The following NRXN3 variants were observed in gnomAD, a reference collection of about 807,000 sequenced individuals.
NRXN3 encodes the protein neurexin III.
A neutral mutation model predicts 137.6 loss-of-function variants in NRXN3; 32 were observed. The observed-to-expected ratio is 0.23, with a 90% CI of 0.18 to 0.31. The LOEUF (loss-of-function observed/expected upper bound fraction) is 0.31. Ranked by LOEUF, NRXN3 falls within the 10% of genes least tolerant of loss-of-function variation. The pLI, the probability that NRXN3 is intolerant of heterozygous loss-of-function variation, is 1.00. For synonymous variants in NRXN3, 798 were observed against 784.5 expected (o/e 1.02, Z -0.29); for missense variants, 1,574 against 2,062.5 (o/e 0.76, Z 4.59).
intron 15 of NRXN3, among the ~76,000 whole-genome samples, chr14:79,319,703 C>T (rs142734001): frequency 6.6e-6 from 1 of 152,258 alleles, no homozygotes; most frequent in Non-Finnish European, 1.5e-5. Context: ...TTATTATCCA[C>T]GTTATAATTT....
chr14:79,854,184 T>G, intron 20 of NRXN3: 1 of 980,266 alleles, frequency 1.0e-6, no homozygotes, highest in Non-Finnish European at 1.2e-6. Context: ...AAATTTTTCT[T>G]TCATGCCAAA....
intron 4 of NRXN3, among the ~76,000 whole-genome samples, chr14:78,382,445 A>T (rs1004355404): frequency 5.3e-5 from 8 of 152,146 alleles, no homozygotes; most frequent in African/African-American, 1.9e-4. Context: ...GTTTCCAAGA[A>T]CTTCAGGGAA....
chr14:78,948,081 G>A (rs1390517251), intron 10 of NRXN3, among the ~76,000 whole-genome samples: 1 of 152,186 alleles, frequency 6.6e-6, no homozygotes, highest in Non-Finnish European at 1.5e-5. Context: ...GTTCCCTTGA[G>A]AGCAAAGCCT....
chr14:79,375,568 C>A (rs1301053219), intron 15 of NRXN3, among the ~76,000 whole-genome samples: 12 of 152,018 alleles, frequency 7.9e-5, no homozygotes, highest in Admixed American at 2.6e-4. Flanking sequence ...AGTGGGCATG[C>A]CATCAGTGCC....
intron 19 of NRXN3, among the ~76,000 whole-genome samples, chr14:79,728,890 G>T (rs566436034): frequency 6.6e-6 from 1 of 152,182 alleles, no homozygotes; most frequent in South Asian, 2.1e-4. Context: ...TGTAACTCCA[G>T]ATGCCAAATT....
chr14:79,280,816 T>C, intron 15 of NRXN3: 1 of 412,226 alleles, frequency 2.4e-6, no homozygotes, highest in Non-Finnish European at 4.5e-6. Flanking sequence ...ACTCTCTCTT[T>C]TGCAACCTTC....
chr14:78,787,750 A>T (rs1319272320), intron 8 of NRXN3, among the ~76,000 whole-genome samples: 1 of 152,188 alleles, frequency 6.6e-6, no homozygotes, highest in African/African-American at 2.4e-5. Flanking sequence ...CCATGATATC[A>T]GGCTCAATCA....
chr14:78,231,996 C>T (rs958720693), intron 1 of NRXN3, among the ~76,000 whole-genome samples: 3 of 152,250 alleles, frequency 2.0e-5, no homozygotes, highest in African/African-American at 7.2e-5. Context: ...CTCCTGGCTC[C>T]CAGGCTCAGC....
At chr14:79,279,577 T>G (rs1486737570) in intron 15 of NRXN3, 1 of 986,072 alleles carries the variant, frequency 1.0e-6, no homozygotes, top group Non-Finnish European at 1.2e-6. Context: ...TTCCCTCCAG[T>G]CCTTCTTATT....
chr14:78,183,292 T>A (rs1200089841), intron 1 of NRXN3, among the ~76,000 whole-genome samples: 1 of 152,150 alleles, frequency 6.6e-6, no homozygotes, highest in Non-Finnish European at 1.5e-5. Context: ...CTTTCATCCC[T>A]AGTTGCTAAT....
At chr14:78,314,946 C>CTTTCTTTCTTTCTTTCTCTTT in intron 4 of NRXN3, among the ~76,000 whole-genome samples, 1 of 52,806 alleles carries the variant, frequency 1.9e-5, no homozygotes, top group South Asian at 8.3e-4. Flanking sequence ...TTTCTTTCTT[C>CTTTCTTTCTTTCTTTCTCTTT]CTTCCTTCCT....
intron 3 of NRXN3, among the ~76,000 whole-genome samples, chr14:78,295,344 A>G (rs761764050): frequency 2.6e-5 from 4 of 152,172 alleles, no homozygotes; most frequent in African/African-American, 9.7e-5. Context: ...TTTCTATTTA[A>G]GGGTTTTATA....
intron 4 of NRXN3, among the ~76,000 whole-genome samples, chr14:78,626,972 T>G (rs370149043): frequency 1.3e-5 from 2 of 152,226 alleles, no homozygotes; most frequent in East Asian, 1.9e-4. Context: ...AGCCCTTTCA[T>G]GCCTTCTACA....
At chr14:79,727,323 G>T (rs1339689444) in intron 19 of NRXN3, among the ~76,000 whole-genome samples, 1 of 152,224 alleles carries the variant, frequency 6.6e-6, no homozygotes. Context: ...GAGTAGCCGG[G>T]AATATTCGAT....
chr14:78,790,113 CAT>C (rs1295611891), intron 8 of NRXN3, among the ~76,000 whole-genome samples: 3 of 152,066 alleles, frequency 2.0e-5, no homozygotes, highest in Non-Finnish European at 4.4e-5. Context: ...TAAATTAAGT[CAT>C]ATTTTAAAAT....
chr14:79,294,286 G>A (rs991090018), intron 15 of NRXN3, among the ~76,000 whole-genome samples: 2 of 152,148 alleles, frequency 1.3e-5, no homozygotes, highest in Non-Finnish European at 2.9e-5. Context: ...GTTAACTCAG[G>A]TAATTATTAC....
At chr14:79,184,330 T>G (rs1320733538) in intron 15 of NRXN3, among the ~76,000 whole-genome samples, 1 of 152,110 alleles carries the variant, frequency 6.6e-6, no homozygotes, top group Admixed American at 6.5e-5. Flanking sequence ...TGCTTATTGG[T>G]GAAAAAGAAT....
intron 10 of NRXN3, among the ~76,000 whole-genome samples, chr14:78,856,374 G>T (rs2099057072): frequency 6.6e-6 from 1 of 151,978 alleles, no homozygotes; most frequent in Admixed American, 6.6e-5. Context: ...AATTTAGAGG[G>T]TATATTCAAA....
intron 15 of NRXN3, among the ~76,000 whole-genome samples, chr14:79,407,168 A>G (rs1056163543): frequency 6.6e-6 from 1 of 152,124 alleles, no homozygotes; most frequent in African/African-American, 2.4e-5. Context: ...ATCCAGACAC[A>G]AAAAAAGGTT....
Sources: gnomAD v4.1 joint callset for allele counts (sites outside exome capture counted in the v4.1 genomes callset) on GRCh38, gnomAD v4.1.1 for gene constraint, MANE v1.5 for transcripts, NCBI Gene and HGNC (gene_info 2026-07-23, HGNC 2026-07-21) for gene names.